Variants in PCP4 observed in about 807,000 individuals in gnomAD.
PCP4 encodes the protein calmodulin regulator protein PCP4.
A neutral mutation model predicts 10.0 loss-of-function variants in PCP4; 8 were observed. The ratio of observed to expected loss-of-function variants is 0.80; its 90% confidence interval spans 0.47 to 1.45. The LOEUF (loss-of-function observed/expected upper bound fraction) is 1.45. Among genes scored for constraint, PCP4 ranks in the 40% most tolerant of loss-of-function variants. The probability of loss-of-function intolerance (pLI) is 0.00; values close to 1 mark genes in which losing one functional copy is unlikely to be tolerated. For synonymous variants in PCP4, 21 were observed against 23.0 expected (o/e 0.91, Z 0.24); for missense variants, 54 against 74.4 (o/e 0.73, Z 1.01).
chr21:39,898,576 C>A lies in PCP4; in HGVS notation c.61+49C>A, dbSNP rs779857117. On this transcript the variant is annotated intron_variant, in intron 2 of 2. Transcript: ENST00000328619. ...GTTCTTTCTCTTTTGCCATCTGCAG[C>A]CCTGGGTATGCAGCAGGTGCGGATC... The A allele has an allele frequency of 5.0e-6, 7 of 1,412,294 alleles. No individual in the cohort carries two copies. In the East Asian group the frequency reaches 1.4e-4, roughly 28 times the overall value. 87.5% of individuals were successfully genotyped at this position (1,412,294 alleles called of 1,614,324 possible).
chr21:39,927,338 T>TATC (rs1254219153), intron 2 of PCP4, among the ~76,000 whole-genome samples: 1 of 65,376 alleles, frequency 1.5e-5, no homozygotes, highest in Non-Finnish European at 3.0e-5. Context: ...TCTATCTATC[T>TATC]GTCTATCTAT....
intron 2 of PCP4, among the ~76,000 whole-genome samples, chr21:39,921,419 C>T (rs969492105): frequency 2.6e-5 from 4 of 152,200 alleles, no homozygotes; most frequent in Non-Finnish European, 5.9e-5. Flanking sequence ...GTTTCCTCAG[C>T]TCTCATAAAT....
chr21:39,909,985 G>A (rs2087531803), intron 2 of PCP4, among the ~76,000 whole-genome samples: 1 of 151,868 alleles, frequency 6.6e-6, no homozygotes, highest in Admixed American at 6.6e-5. Context: ...TAGTAGAGAT[G>A]GGGTTTCTCC....
chr21:39,925,598 A>G (rs987155541), intron 2 of PCP4, among the ~76,000 whole-genome samples: 1 of 152,232 alleles, frequency 6.6e-6, no homozygotes, highest in Non-Finnish European at 1.5e-5. Context: ...AAGAACTGCA[A>G]TGCAGGCTTG....
intron 1 of PCP4, among the ~76,000 whole-genome samples, chr21:39,876,873 C>T (rs965871973): frequency 1.3e-5 from 2 of 152,198 alleles, no homozygotes; most frequent in African/African-American, 4.8e-5. Context: ...CATGGTGGCT[C>T]TGCCCTTCCT....
chr21:39,877,926 T>A (rs1336304340), intron 1 of PCP4, among the ~76,000 whole-genome samples: 1 of 152,190 alleles, frequency 6.6e-6, no homozygotes, highest in African/African-American at 2.4e-5. Context: ...GCCCTTTTTA[T>A]GGCCAAAACC....
intron 1 of PCP4, among the ~76,000 whole-genome samples, chr21:39,868,630 G>A (rs1401200739): frequency 1.3e-5 from 2 of 152,176 alleles, no homozygotes; most frequent in Non-Finnish European, 2.9e-5. Flanking sequence ...TCTGTGTGCC[G>A]ACAGTGTCAG....
chr21:39,870,926 G>A (rs191245928), intron 1 of PCP4, among the ~76,000 whole-genome samples: 3 of 152,300 alleles, frequency 2.0e-5, no homozygotes, highest in East Asian at 3.9e-4. Context: ...GACATTGGCC[G>A]CAGGGCAAGG....
chr21:39,892,115 G>A (rs1405970046), intron 1 of PCP4, among the ~76,000 whole-genome samples: 2 of 152,202 alleles, frequency 1.3e-5, no homozygotes, highest in Admixed American at 6.5e-5. Flanking sequence ...AGACACTGGC[G>A]TTACCGCTTG....
At chr21:39,921,691 G>A (rs995160534) in intron 2 of PCP4, among the ~76,000 whole-genome samples, 4 of 152,128 alleles carry the variant, frequency 2.6e-5, no homozygotes, top group Non-Finnish European at 4.4e-5. Flanking sequence ...TTAAATTAAT[G>A]TCCTCATGTG....
chr21:39,879,036 G>A (rs889944578), intron 1 of PCP4, among the ~76,000 whole-genome samples: 2 of 150,276 alleles, frequency 1.3e-5, no homozygotes, highest in Non-Finnish European at 3.0e-5. Context: ...TTTGCCCAGG[G>A]TGGAGTGCAA....
chr21:39,898,299 A>G, intron 1 of PCP4, 177 bp from the exon 2 acceptor site: 1 of 708,188 alleles, frequency 1.4e-6, no homozygotes, highest in Non-Finnish European at 2.6e-6. Context: ...CAGCTTCAGT[A>G]CATCCTTTCT....
chr21:39,916,171 GAGA>G (rs1475689833), intron 2 of PCP4: 1 of 152,202 alleles, frequency 6.6e-6, no homozygotes, highest in African/African-American at 2.4e-5. Context: ...TGTGCTCAGA[GAGA>G]AGAAGGCATT....
intron 2 of PCP4, among the ~76,000 whole-genome samples, chr21:39,916,747 A>G (rs541701674): frequency 6.6e-6 from 1 of 152,358 alleles, no homozygotes; most frequent in African/African-American, 2.4e-5. Context: ...GATAAAGACC[A>G]TGGAATACTA....
At chr21:39,868,726 G>A (rs1282730497) in intron 1 of PCP4, among the ~76,000 whole-genome samples, 2 of 152,210 alleles carry the variant, frequency 1.3e-5, no homozygotes, top group Admixed American at 6.5e-5. Context: ...GACAGATGAG[G>A]ACACTGAGGC....
Position 39,920,216 on chromosome 21 carries a change from TGTG to T in PCP4, c.62-8764_62-8762del, listed in dbSNP as rs1438404533. On this transcript the variant is annotated intron_variant, in intron 2 of 2. Transcript: ENST00000328619. ...TGTGTGATACGATATGTGTGTTTGG[TGTG>T]GTGTGGGTGTGGTGTGTTTGTGTGA... 8.2e-5 allele frequency among the ~76,000 whole-genome samples: 12 copies of T among 147,058 alleles called. No homozygotes were observed. In the East Asian group the frequency reaches 1.2e-3, roughly 15 times the overall value.
At chr21:39,871,179 T>A (rs906617069) in intron 1 of PCP4, among the ~76,000 whole-genome samples, 1 of 152,096 alleles carries the variant, frequency 6.6e-6, no homozygotes, top group African/African-American at 2.4e-5. Context: ...AAACATGAAT[T>A]AAAAAAATGT....
At chr21:39,895,067 A>C (rs1288730445) in intron 1 of PCP4, among the ~76,000 whole-genome samples, 1 of 151,048 alleles carries the variant, frequency 6.6e-6, no homozygotes, top group Non-Finnish European at 1.5e-5. Flanking sequence ...ATTCATCCAC[A>C]CACCCATTCA....
intron 1 of PCP4, among the ~76,000 whole-genome samples, chr21:39,889,880 T>C (rs1426478207): frequency 6.6e-6 from 1 of 152,226 alleles, no homozygotes; most frequent in African/African-American, 2.4e-5. Context: ...AATACGTGTC[T>C]TTTAATGGGA....
Sources: allele counts gnomAD v4.1 joint callset (sites outside exome capture counted in the v4.1 genomes callset), GRCh38; gene constraint gnomAD v4.1.1; transcripts MANE v1.5; gene names NCBI Gene and HGNC (gene_info 2026-07-23, HGNC 2026-07-21).